The following LRCH1 variants were observed in gnomAD, a reference collection of about 807,000 sequenced individuals.
The protein encoded by LRCH1 is leucine rich repeats and calponin homology domain containing 1.
Under a neutral mutation model 94.9 loss-of-function variants are expected in LRCH1, and 23 were observed. That is an observed-to-expected ratio of 0.24 (90% CI 0.17 to 0.34). LRCH1 has a LOEUF of 0.34. Among genes scored for constraint, LRCH1 ranks in the 10% least tolerant of loss-of-function variants. LRCH1 has a pLI of 1.00. For missense variants in LRCH1, 790 were observed against 945.9 expected (o/e 0.84, Z 2.16); for synonymous variants, 364 against 354.9 (o/e 1.03, Z -0.29).
intron 13 of LRCH1, among the ~76,000 whole-genome samples, chr13:46,707,782 G>A (rs1023166605): frequency 1.3e-5 from 2 of 152,066 alleles, no homozygotes; most frequent in South Asian, 2.1e-4. Context: ...ATAAGTTATC[G>A]TTATTTCATT....
intron 1 of LRCH1, among the ~76,000 whole-genome samples, chr13:46,576,536 A>G (rs923969673): frequency 6.6e-6 from 1 of 152,148 alleles, no homozygotes; most frequent in Non-Finnish European, 1.5e-5. Context: ...TCACATTGCT[A>G]TCGTTGATTA....
intron 14 of LRCH1, among the ~76,000 whole-genome samples, chr13:46,712,130 A>G (rs535005958): frequency 3.9e-5 from 6 of 152,384 alleles, no homozygotes; most frequent in Non-Finnish European, 7.3e-5. Flanking sequence ...CTTGTTCTCC[A>G]TAAATGATTC....
Position 46,705,079 on chromosome 13 carries a change from A to T in LRCH1, c.1412A>T (p.Asp471Val). The change falls in exon 12 of 20, where the codon GAT becomes GTT. Residue 471 changes from aspartate to valine, a missense_variant. Coordinates refer to ENST00000389797, the MANE Select transcript of LRCH1 (RefSeq NM_001164211.2). ...TTCCTACTCTTTAGATTAAGCACAGATATTACAGAGAGAAGTGTTTTAAAC... is the reference window on the plus strand; with the variant it reads ...TTCCTACTCTTTAGATTAAGCACAGTTATTACAGAGAGAAGTGTTTTAAAC... ...LLQDPNGLST[D>V]ITERSVLNLY... The T allele has an allele frequency of 2.5e-6, 4 of 1,580,810 alleles. No homozygotes were observed. Among genetic ancestry groups the T allele is most frequent in the Non-Finnish European group, 3.5e-6 (4 of 1,157,406 alleles).
intron 1 of LRCH1, among the ~76,000 whole-genome samples, chr13:46,573,866 AT>A (rs540821255): frequency 0.16 from 10,197 of 63,482 alleles, 974 homozygotes; most frequent in East Asian, 0.23. Flanking sequence ...ATATATATAT[AT>A]TTTTTTTTTT....
At chr13:46,718,528 A>G (rs936564932) in intron 16 of LRCH1, among the ~76,000 whole-genome samples, 1 of 152,156 alleles carries the variant, frequency 6.6e-6, no homozygotes, top group African/African-American at 2.4e-5. Flanking sequence ...CATTTGTTTT[A>G]CTTCTTTTTA....
exon 19 of LRCH1, chr13:46,751,821 A>C (rs931312663): frequency 8.5e-5 from 13 of 152,266 alleles, no homozygotes; most frequent in African/African-American, 2.4e-4. Context: ...TACTTAAGGC[A>C]CATAGGACCT....
intron 1 of LRCH1, among the ~76,000 whole-genome samples, chr13:46,616,982 G>A (rs947398435): frequency 6.6e-6 from 1 of 152,304 alleles, no homozygotes; most frequent in South Asian, 2.1e-4. Context: ...GATCAGTTAG[G>A]GTGGGGCAGG....
At chr13:46,730,492 C>T (rs77576925) in intron 18 of LRCH1, among the ~76,000 whole-genome samples, 2,560 of 152,290 alleles carry the variant, frequency 0.017, 58 homozygotes, top group African/African-American at 0.056. Context: ...ATTTGTCCTA[C>T]TTTCTTTTCT....
rs78840481 is a variant in LRCH1 at position 46,614,824 on chromosome 13, A to G, written c.308-35377A>G. Among the ~76,000 whole-genome samples the G allele has an allele frequency of 4.7e-3, 712 of 152,332 alleles. 5 individuals are homozygous for G. The highest frequency in any genetic ancestry group is 0.014 in the African/African-American group (596 of 41,580). Reference sequence around the variant, plus strand: ...TATTGTATATCACGGTGCAGTATCAAAACATTTTGTCCCATGAGGAGAGGC... The same window carrying G: ...TATTGTATATCACGGTGCAGTATCAGAACATTTTGTCCCATGAGGAGAGGC... On this transcript the variant is annotated intron_variant, in intron 1 of 19. Coordinates refer to ENST00000389797, the MANE Select transcript of LRCH1 (RefSeq NM_001164211.2).
At chr13:46,606,503 T>C (rs2050689281) in intron 1 of LRCH1, among the ~76,000 whole-genome samples, 1 of 152,214 alleles carries the variant, frequency 6.6e-6, no homozygotes, top group Non-Finnish European at 1.5e-5. Flanking sequence ...CACAGGATTT[T>C]AACTTACAGA....
intron 3 of LRCH1, chr13:46,679,694 G>C (rs921331851): frequency 6.6e-6 from 1 of 152,272 alleles, no homozygotes; most frequent in South Asian, 2.1e-4. Flanking sequence ...CTGAACACCC[G>C]GTGCTCTCAG....
At chr13:46,665,814 G>A (rs1458598156) in intron 2 of LRCH1, among the ~76,000 whole-genome samples, 1 of 152,200 alleles carries the variant, frequency 6.6e-6, no homozygotes, top group East Asian at 1.9e-4. Flanking sequence ...ATAGTGGATT[G>A]TGGCCTGAGG....
intron 1 of LRCH1, among the ~76,000 whole-genome samples, chr13:46,616,912 C>T (rs1262577499): frequency 6.6e-6 from 1 of 152,138 alleles, no homozygotes; most frequent in Non-Finnish European, 1.5e-5. Context: ...AGTACATTCT[C>T]AAGGGTGAGG....
chr13:46,700,898 G>A (rs561151242), intron 10 of LRCH1, among the ~76,000 whole-genome samples: 10 of 152,278 alleles, frequency 6.6e-5, no homozygotes, highest in Middle Eastern at 3.4e-3. Context: ...AATCTTATGT[G>A]AGCTGCTTTA....
At chr13:46,627,342 A>G (rs934527822) in intron 1 of LRCH1, among the ~76,000 whole-genome samples, 5 of 152,274 alleles carry the variant, frequency 3.3e-5, no homozygotes, top group South Asian at 2.1e-4. Context: ...CAGCTAAATC[A>G]CCCATCTTTC....
chr13:46,701,597 G>A (rs934765284), intron 11 of LRCH1, among the ~76,000 whole-genome samples: 4 of 152,190 alleles, frequency 2.6e-5, no homozygotes, highest in African/African-American at 9.7e-5. Context: ...GGTATATCAA[G>A]TAGTACTGTA....
chr13:46,553,730 G>C (rs750003102), intron 1 of LRCH1, 27 bp downstream of exon 1: 1 of 1,602,122 alleles, frequency 6.2e-7, no homozygotes, highest in East Asian at 2.3e-5. Flanking sequence ...GGGCGGGCAG[G>C]GGTGTGGGTG....
At chr13:46,599,124 A>AT (rs1217553592) in intron 1 of LRCH1, among the ~76,000 whole-genome samples, 1 of 152,254 alleles carries the variant, frequency 6.6e-6, no homozygotes, top group Non-Finnish European at 1.5e-5. Flanking sequence ...TTTACTTAGC[A>AT]TTATATAATG....
chr13:46,712,618 A>G (rs990775054), intron 15 of LRCH1, 21 bp downstream of exon 15: 2 of 1,600,466 alleles, frequency 1.2e-6, no homozygotes, highest in Non-Finnish European at 1.7e-6. Flanking sequence ...ACCTCAGCCC[A>G]TTCTTACACT....
Sources: allele counts gnomAD v4.1 joint callset (sites outside exome capture counted in the v4.1 genomes callset), GRCh38; gene constraint gnomAD v4.1.1; transcripts MANE v1.5; gene names NCBI Gene and HGNC (gene_info 2026-07-23, HGNC 2026-07-21).